Variants in TCF12 observed in about 807,000 individuals in gnomAD.
TCF12 encodes DNA-binding protein HTF4.
In TCF12, 45 loss-of-function variants were observed where a neutral mutation model predicts 86.0. The observed-to-expected ratio is 0.52, with a 90% CI of 0.41 to 0.67. TCF12 has a LOEUF of 0.67. TCF12 is among the 30% of genes least tolerant of loss of function. TCF12 has a pLI of 0.00. For synonymous variants in TCF12, 330 were observed against 299.6 expected, an observed-to-expected ratio of 1.10 and a Z score of -1.05; for missense variants, 881 against 859.9, an observed-to-expected ratio of 1.02 and a Z score of -0.31.
chr15:57,264,388 A>G (rs1838451873), intron 18 of TCF12, among the ~76,000 whole-genome samples: 1 of 151,132 alleles, frequency 6.6e-6, no homozygotes, highest in Non-Finnish European at 1.5e-5. Flanking sequence ...TTTAGTGGAG[A>G]CGGGGTTTCA....
At chr15:57,130,235 A>G (rs1217704996) in intron 5 of TCF12, among the ~76,000 whole-genome samples, 3 of 152,228 alleles carry the variant, frequency 2.0e-5, no homozygotes, top group East Asian at 1.9e-4. Flanking sequence ...TGTTTCAGCT[A>G]GAATGGTTGA....
intron 5 of TCF12, among the ~76,000 whole-genome samples, chr15:57,145,600 T>G (rs189409734): frequency 6.6e-6 from 1 of 151,692 alleles, no homozygotes; most frequent in East Asian, 1.9e-4. Flanking sequence ...ATTGATAGAA[T>G]CTTAGCTGTT....
chr15:57,095,472 TG>T (rs770141816), intron 5 of TCF12, among the ~76,000 whole-genome samples: 2 of 152,230 alleles, frequency 1.3e-5, no homozygotes, highest in Non-Finnish European at 2.9e-5. Flanking sequence ...CAAGTGATTG[TG>T]TAATAAACTA....
At chr15:57,025,901 C>G (rs117342424) in intron 3 of TCF12, among the ~76,000 whole-genome samples, 1 of 152,284 alleles carries the variant, frequency 6.6e-6, no homozygotes, top group East Asian at 1.9e-4. Flanking sequence ...AAGAGGGTCA[C>G]TCGTCAACTG....
intron 6 of TCF12, among the ~76,000 whole-genome samples, chr15:57,191,204 C>T (rs995893437): frequency 3.9e-5 from 6 of 152,168 alleles, no homozygotes; most frequent in Non-Finnish European, 8.8e-5. Context: ...TGGCTCACAC[C>T]AGTATTCCCA....
intron 3 of TCF12, among the ~76,000 whole-genome samples, chr15:57,038,633 A>AGG (rs1237187236): frequency 1.3e-5 from 2 of 151,928 alleles, no homozygotes; most frequent in Admixed American, 1.3e-4. Context: ...TAATTAGGAG[A>AGG]GGATAATAAA....
intron 3 of TCF12, among the ~76,000 whole-genome samples, chr15:56,924,399 C>CT (rs2140202384): frequency 6.6e-6 from 1 of 152,222 alleles, no homozygotes; most frequent in African/African-American, 2.4e-5. Context: ...GTGGAGTAAG[C>CT]TTTTCAAATT....
chr15:57,169,771 T>A (rs2055175585), intron 6 of TCF12, among the ~76,000 whole-genome samples: 1 of 152,190 alleles, frequency 6.6e-6, no homozygotes, highest in African/African-American at 2.4e-5. Flanking sequence ...ATTAATGTTT[T>A]TATTATGTTC....
At chr15:57,010,581 C>T (rs1306793222) in intron 3 of TCF12, among the ~76,000 whole-genome samples, 1 of 152,118 alleles carries the variant, frequency 6.6e-6, no homozygotes, top group Non-Finnish European at 1.5e-5. Flanking sequence ...GAGCTGATCT[C>T]TTTTGTAGGA....
intron 14 of TCF12, 59 bp downstream of exon 14, chr15:57,251,482 C>A: frequency 1.3e-6 from 2 of 1,519,710 alleles, no homozygotes; most frequent in South Asian, 1.1e-5. Context: ...TGTTTTTGGT[C>A]AATCTGGCAT....
At chr15:57,285,892 C>T (rs1042127951) in intron 20 of TCF12, among the ~76,000 whole-genome samples, 19 of 152,142 alleles carry the variant, frequency 1.2e-4, no homozygotes, top group African/African-American at 4.1e-4. Flanking sequence ...CATGCCACTG[C>T]GCTCCAGCGA....
intron 12 of TCF12, among the ~76,000 whole-genome samples, chr15:57,241,605 T>C (rs539384958): frequency 2.4e-4 from 37 of 152,364 alleles, no homozygotes; most frequent in African/African-American, 8.9e-4. Flanking sequence ...TCATACAAAT[T>C]GGCGTATTTT....
At chr15:57,163,316 A>C (rs1387960795) in intron 5 of TCF12, among the ~76,000 whole-genome samples, 22 of 152,250 alleles carry the variant, frequency 1.4e-4, no homozygotes, top group African/African-American at 5.1e-4. Flanking sequence ...TCATTAAAGT[A>C]TACATGTCAT....
At chr15:57,041,858 G>C (rs1056778892) in intron 3 of TCF12, among the ~76,000 whole-genome samples, 1 of 152,152 alleles carries the variant, frequency 6.6e-6, no homozygotes, top group Non-Finnish European at 1.5e-5. Context: ...TTGTTTACTT[G>C]ATCGCATTAC....
rs188920689 is a variant in TCF12 at position 57,228,130 on chromosome 15, A to C, written c.580-3022A>C. Among the ~76,000 whole-genome samples the C allele has an allele frequency of 1.7e-3, 253 of 150,212 alleles. 2 individuals carry two copies. Among genetic ancestry groups the C allele is most frequent in the African/African-American group, 5.9e-3 (234 of 39,770 alleles). On this transcript the variant is annotated intron_variant, in intron 8 of 20. Transcript: ENST00000333725. ...CTTGCTCTTTTTGTGGAATTGGCTG[A>C]CTATTTCCCTACATCTGGAGTTAAT...
At chr15:57,279,559 C>T (rs1176132815) in intron 19 of TCF12, among the ~76,000 whole-genome samples, 1 of 152,150 alleles carries the variant, frequency 6.6e-6, no homozygotes, top group Non-Finnish European at 1.5e-5. Context: ...GTATTTATTT[C>T]ACATTTCCTA....
chr15:57,200,332 C>T (rs144210489), intron 8 of TCF12, among the ~76,000 whole-genome samples: 3 of 152,168 alleles, frequency 2.0e-5, no homozygotes, highest in Non-Finnish European at 2.9e-5. Flanking sequence ...ATACTGTTTA[C>T]CTTCTCAGGA....
chr15:57,170,535 A>G lies in TCF12; in HGVS notation c.390+4069A>G, dbSNP rs1431386271. Among the ~76,000 whole-genome samples the G allele has an allele frequency of 2.1e-5, 3 of 144,678 alleles. No individual in the cohort carries two copies. The East Asian group carries it at 6.0e-4, about 29-fold the overall frequency. The allele number at this position is 144,678 out of a possible 152,430, so 94.9% of individuals were successfully genotyped here. On this transcript the variant is annotated intron_variant, in intron 6 of 20. Transcript: ENST00000333725. ...TACATAATATTAAATTTCTAAATTC[A>G]TGTGGCCCACATAACAAAAGGTTAT...
chr15:57,050,058 A>T (rs374019436), intron 3 of TCF12, among the ~76,000 whole-genome samples: 7 of 152,198 alleles, frequency 4.6e-5, no homozygotes, highest in Non-Finnish European at 7.4e-5. Context: ...CTCGGAGCTT[A>T]TAGTTTACTA....
Sources: allele counts gnomAD v4.1 joint callset (sites outside exome capture counted in the v4.1 genomes callset), GRCh38; gene constraint gnomAD v4.1.1; transcripts MANE v1.5; gene names NCBI Gene and HGNC (gene_info 2026-07-23, HGNC 2026-07-21).